LARGE1: variants seen among roughly 807,000 people sequenced by gnomAD.
The protein encoded by LARGE1 is LARGE xylosyl- and glucuronyltransferase 1.
A neutral mutation model predicts 87.6 loss-of-function variants in LARGE1; 43 were observed. The observed-to-expected ratio is 0.49, with a 90% CI of 0.38 to 0.63. The LOEUF (loss-of-function observed/expected upper bound fraction) is 0.63, where lower values mean the gene tolerates loss of function less well. Among genes scored for constraint, LARGE1 ranks in the 30% least tolerant of loss-of-function variants. The probability of loss-of-function intolerance (pLI) is 0.00; values close to 1 mark genes in which losing one functional copy is unlikely to be tolerated. For synonymous variants in LARGE1, 434 were observed against 394.6 expected (o/e 1.10, Z -1.18); for missense variants, 802 against 1,000.2 (o/e 0.80, Z 2.67).
At chr22:33,913,294 G>T (rs1316454541) in intron 1 of LARGE1, among the ~76,000 whole-genome samples, 1 of 152,184 alleles carries the variant, frequency 6.6e-6, no homozygotes, top group Non-Finnish European at 1.5e-5. Flanking sequence ...ATTCTTAGAG[G>T]TAGAATGTGC....
intron 11 of LARGE1, among the ~76,000 whole-genome samples, chr22:33,174,165 T>A (rs1602045229): frequency 1.3e-5 from 2 of 152,018 alleles, no homozygotes; most frequent in East Asian, 1.9e-4. Context: ...TGCAATCAAA[T>A]TAGAACTCAG....
At chr22:33,584,897 A>G (rs946591762) in intron 5 of LARGE1, among the ~76,000 whole-genome samples, 1 of 152,168 alleles carries the variant, frequency 6.6e-6, no homozygotes, top group African/African-American at 2.4e-5. Context: ...CTGGCAGATC[A>G]CTTGAGGTCG....
At chr22:33,311,567 T>C (rs2146255539) in intron 11 of LARGE1, among the ~76,000 whole-genome samples, 1 of 152,312 alleles carries the variant, frequency 6.6e-6, no homozygotes. Context: ...CAATAATCAG[T>C]GAATCTGACG....
chr22:33,475,414 T>C (rs944893306), intron 6 of LARGE1, among the ~76,000 whole-genome samples: 2 of 149,748 alleles, frequency 1.3e-5, no homozygotes, highest in Admixed American at 6.7e-5. Flanking sequence ...ATAATCAGCA[T>C]CAGTGAGTCA....
chr22:33,115,104 A>G, the LARGE1 span, among the ~76,000 whole-genome samples: 1 of 152,176 alleles, frequency 6.6e-6, no homozygotes, highest in South Asian at 2.1e-4. Flanking sequence ...CATCTGTGGG[A>G]TAGTAGATAT....
At chr22:33,071,445 CACT>C in the LARGE1 span, among the ~76,000 whole-genome samples, 2 of 152,142 alleles carry the variant, frequency 1.3e-5, no homozygotes, top group Non-Finnish European at 2.9e-5. Flanking sequence ...CTGTCTCCTC[CACT>C]AGACTCTGAA....
chr22:33,527,251 C>T (rs778572893), intron 6 of LARGE1, among the ~76,000 whole-genome samples: 1 of 152,122 alleles, frequency 6.6e-6, no homozygotes, highest in Non-Finnish European at 1.5e-5. Flanking sequence ...AGCAAAACTC[C>T]GTCTCAAAAA....
intron 6 of LARGE1, among the ~76,000 whole-genome samples, chr22:33,542,110 C>A (rs1423900593): frequency 7.0e-6 from 1 of 143,040 alleles, no homozygotes; most frequent in East Asian, 2.0e-4. Flanking sequence ...TGCATTGAGC[C>A]GAGATCGCAC....
At position 33,407,627 on chromosome 22, in the gene LARGE1, A is replaced by G. The variant is rs190185975; in HGVS notation, c.893-23323T>C. 2.9e-4 allele frequency among the ~76,000 whole-genome samples: 44 copies of G among 152,292 alleles called. No individual in the cohort carries two copies. The East Asian group carries it at 7.1e-3, about 25-fold the overall frequency. On this transcript the variant is annotated intron_variant, in intron 7 of 14. Transcript: ENST00000397394. ...CAGTGGCTTTATTCAATCTCAGCCT[A>G]TTAAGAACATGTTATTATTCCTATT...
At chr22:33,479,343 T>C (rs1454660211) in intron 6 of LARGE1, among the ~76,000 whole-genome samples, 5 of 151,992 alleles carry the variant, frequency 3.3e-5, no homozygotes, top group Admixed American at 2.6e-4. Context: ...CAGCAAATGA[T>C]GGGTGGATAA....
chr22:33,547,331 C>A (rs556817582), intron 6 of LARGE1, among the ~76,000 whole-genome samples: 1 of 147,884 alleles, frequency 6.8e-6, no homozygotes, highest in African/African-American at 2.5e-5. Context: ...CTAGATCCCT[C>A]GCATGCGCAG....
chr22:33,249,556 C>T (rs908832220), intron 11 of LARGE1, among the ~76,000 whole-genome samples: 11 of 152,226 alleles, frequency 7.2e-5, no homozygotes, highest in African/African-American at 2.6e-4. Flanking sequence ...GAAGTCTAGC[C>T]TATTAGTTAT....
chr22:33,829,010 T>TC (rs1555881060), intron 1 of LARGE1, among the ~76,000 whole-genome samples: 7 of 98,064 alleles, frequency 7.1e-5, no homozygotes, highest in African/African-American at 1.4e-4. Context: ...CTTTTTCTTT[T>TC]TTTTTTTTTT....
chr22:33,509,743 C>T (rs1270185959), intron 6 of LARGE1, among the ~76,000 whole-genome samples: 3 of 152,130 alleles, frequency 2.0e-5, no homozygotes, highest in Non-Finnish European at 4.4e-5. Flanking sequence ...TGTGCCATTG[C>T]GTCCAAGATT....
intron 6 of LARGE1, among the ~76,000 whole-genome samples, chr22:33,516,090 A>G (rs1270239349): frequency 4.9e-4 from 74 of 152,348 alleles, no homozygotes; most frequent in South Asian, 8.3e-4. Flanking sequence ...CAGAGGATGC[A>G]GGGAGGGTGT....
At chr22:33,252,860 C>G (rs1927074271) in intron 11 of LARGE1, among the ~76,000 whole-genome samples, 1 of 152,148 alleles carries the variant, frequency 6.6e-6, no homozygotes, top group African/African-American at 2.4e-5. Context: ...TTTCTGAGAG[C>G]CCACTGCTAG....
chr22:33,073,753 G>C, the LARGE1 span, among the ~76,000 whole-genome samples: 230 of 152,288 alleles, frequency 1.5e-3, 5 homozygotes, highest in Middle Eastern at 6.8e-3. Context: ...TGCTAACCAA[G>C]TAAAAAGAAA....
At chr22:33,355,749 A>T (rs1301344263) in intron 9 of LARGE1, among the ~76,000 whole-genome samples, 1 of 59,298 alleles carries the variant, frequency 1.7e-5, no homozygotes, top group Non-Finnish European at 6.4e-5. Context: ...GCTCTCAGTT[A>T]GTGGCTCAAT....
intron 11 of LARGE1, among the ~76,000 whole-genome samples, chr22:33,315,819 G>A (rs1164824737): frequency 4.6e-5 from 7 of 151,976 alleles, no homozygotes; most frequent in African/African-American, 7.2e-5. Flanking sequence ...TAGTAGAGAC[G>A]GGGTTTCACC....
Sources: allele counts gnomAD v4.1 joint callset (sites outside exome capture counted in the v4.1 genomes callset), GRCh38; gene constraint gnomAD v4.1.1; transcripts MANE v1.5; gene names NCBI Gene and HGNC (gene_info 2026-07-23, HGNC 2026-07-21).